Variants in NEDD4L observed in about 807,000 individuals in gnomAD.
The protein encoded by NEDD4L is NEDD4 like E3 ubiquitin protein ligase.
Under a neutral mutation model 148.9 loss-of-function variants are expected in NEDD4L, and 54 were observed. That is an observed-to-expected ratio of 0.36 (90% CI 0.29 to 0.45). The LOEUF (loss-of-function observed/expected upper bound fraction) is 0.45, where lower values mean the gene tolerates loss of function less well. NEDD4L is among the 20% of genes least tolerant of loss of function. The probability of loss-of-function intolerance (pLI) is 1.00; values close to 1 mark genes in which losing one functional copy is unlikely to be tolerated. For missense variants in NEDD4L, 856 were observed against 1,233.8 expected, an observed-to-expected ratio of 0.69 and a Z score of 4.59; for synonymous variants, 433 against 440.7, an observed-to-expected ratio of 0.98 and a Z score of 0.22.
chr18:58,075,116 T>A (rs1599088197), intron 1 of NEDD4L, among the ~76,000 whole-genome samples: 1 of 152,210 alleles, frequency 6.6e-6, no homozygotes, highest in East Asian at 1.9e-4. Flanking sequence ...CAATTTATGA[T>A]GGAGTTTTAG....
intron 18 of NEDD4L, among the ~76,000 whole-genome samples, chr18:58,352,924 G>A (rs186166515): frequency 6.6e-6 from 1 of 152,296 alleles, no homozygotes; most frequent in Non-Finnish European, 1.5e-5. Context: ...ATTACAAAGG[G>A]CTGTCGTAGC....
rs140229684 is a variant in NEDD4L, at chr18:58,232,976, G to A, written c.123-12451G>A. Among the ~76,000 whole-genome samples the A allele has an allele frequency of 5.9e-5, 9 of 152,234 alleles. No individual in the cohort carries two copies. The East Asian group carries it at 1.5e-3, about 26-fold the overall frequency. On this transcript the variant is annotated intron_variant, in intron 2 of 30. Coordinates refer to ENST00000400345, the MANE Select transcript of NEDD4L (RefSeq NM_001144967.3). ...TTAAGCGTTCTTAGGGCAGATCCACGATCCTTTACCTGCCATTTCTAAGTC... is the reference window on the plus strand; with the variant it reads ...TTAAGCGTTCTTAGGGCAGATCCACAATCCTTTACCTGCCATTTCTAAGTC...
At chr18:58,391,829 T>C (rs576117352) in intron 30 of NEDD4L, among the ~76,000 whole-genome samples, 50 of 152,368 alleles carry the variant, frequency 3.3e-4, no homozygotes, top group African/African-American at 1.2e-3. Context: ...TTCTAGGTAG[T>C]GGAGCTTTCA....
intron 5 of NEDD4L, among the ~76,000 whole-genome samples, chr18:58,280,754 A>G (rs979451732): frequency 1.3e-5 from 2 of 152,180 alleles, no homozygotes; most frequent in African/African-American, 4.8e-5. Context: ...GCTGTCTCCA[A>G]CCATCATTAC....
chr18:58,044,588 G>A lies in NEDD4L; in HGVS notation c.-73G>A. On this transcript the variant is annotated 5_prime_UTR_variant, in exon 1 of 31. Coordinates refer to ENST00000400345, the MANE Select transcript of NEDD4L (RefSeq NM_001144967.3). ...GGGACCGGGGGGACCTGGAGGCAGAGGGGAGAACCGGCCGTCCGCGCCGCA... is the reference window on the plus strand; with the variant it reads ...GGGACCGGGGGGACCTGGAGGCAGAAGGGAGAACCGGCCGTCCGCGCCGCA... 2 of 1,502,098 alleles carry A rather than the reference G, an allele frequency of 1.3e-6. No homozygotes were observed. The highest frequency in any genetic ancestry group is 1.8e-6 in the Non-Finnish European group (2 of 1,124,858). 93.0% of individuals were successfully genotyped at this position (1,502,098 alleles called of 1,614,324 possible).
intron 3 of NEDD4L, among the ~76,000 whole-genome samples, chr18:58,246,841 C>G (rs2047321327): frequency 6.6e-6 from 1 of 152,036 alleles, no homozygotes; most frequent in East Asian, 1.9e-4. Context: ...ATATTTTTTA[C>G]CCTATGTTTG....
rs145258954 is a variant in NEDD4L at position 58,301,268 on chromosome 18, C to T, written c.298-14714C>T. ...CCATTGCTATTCACTGACCCCTTCTCCTCCTCGTGTTCTAGTAAAATTCAG... is the reference window on the plus strand; with the variant it reads ...CCATTGCTATTCACTGACCCCTTCTTCTCCTCGTGTTCTAGTAAAATTCAG... On this transcript the variant is annotated intron_variant, in intron 5 of 30. Coordinates refer to ENST00000400345, the MANE Select transcript of NEDD4L (RefSeq NM_001144967.3). Among the ~76,000 whole-genome samples the T allele has an allele frequency of 2.2e-4, 33 of 152,290 alleles. No individual in the cohort carries two copies. In the East Asian group the frequency reaches 6.2e-3, roughly 28 times the overall value.
intron 1 of NEDD4L, among the ~76,000 whole-genome samples, chr18:58,127,897 G>A (rs1267607671): frequency 6.6e-6 from 1 of 150,550 alleles, no homozygotes; most frequent in Non-Finnish European, 1.5e-5. Flanking sequence ...ATTTTTTTGA[G>A]ACAGAGTCCT....
At chr18:58,257,374 GAGTAGTGTCGCTTGTGGGAT>G (rs2048735946) in intron 5 of NEDD4L, among the ~76,000 whole-genome samples, 2 of 152,072 alleles carry the variant, frequency 1.3e-5, no homozygotes, top group South Asian at 4.2e-4. Flanking sequence ...TACTGAACGA[GAGTAGTGTCGCTTGTGGGAT>G]AGTGACATTA....
intron 1 of NEDD4L, among the ~76,000 whole-genome samples, chr18:58,093,258 A>G (rs905339470): frequency 1.3e-5 from 2 of 152,218 alleles, no homozygotes; most frequent in African/African-American, 4.8e-5. Context: ...AATTTTTTTG[A>G]CATCTAGCAT....
chr18:58,127,886 TA>T (rs2031421675), intron 1 of NEDD4L, among the ~76,000 whole-genome samples: 1 of 151,994 alleles, frequency 6.6e-6, no homozygotes, highest in South Asian at 2.1e-4. Flanking sequence ...ATTTATTATT[TA>T]TTTTTTTGAG....
intron 5 of NEDD4L, among the ~76,000 whole-genome samples, chr18:58,275,363 A>G (rs1404816835): frequency 1.3e-5 from 2 of 152,176 alleles, no homozygotes; most frequent in Non-Finnish European, 2.9e-5. Flanking sequence ...AAATCCTTGT[A>G]TAATAAGTGA....
At chr18:58,225,140 G>C (rs564304173) in intron 2 of NEDD4L, among the ~76,000 whole-genome samples, 162 of 152,260 alleles carry the variant, frequency 1.1e-3, no homozygotes, top group Non-Finnish European at 1.8e-3. Context: ...AGGGGTATTG[G>C]GGGGGAAGAG....
chr18:58,189,710 A>G (rs2039891493), intron 2 of NEDD4L: 1 of 152,198 alleles, frequency 6.6e-6, no homozygotes, highest in South Asian at 2.1e-4. Flanking sequence ...GTTGTAACTA[A>G]TGGTCACTGA....
At chr18:58,217,738 A>G (rs1008740653) in intron 2 of NEDD4L, among the ~76,000 whole-genome samples, 4 of 152,216 alleles carry the variant, frequency 2.6e-5, no homozygotes, top group Non-Finnish European at 5.9e-5. Context: ...TGTAGAGCCA[A>G]ATAGCCACAG....
At chr18:58,168,734 G>C (rs567452194) in intron 2 of NEDD4L, among the ~76,000 whole-genome samples, 30 of 152,328 alleles carry the variant, frequency 2.0e-4, no homozygotes, top group African/African-American at 7.0e-4. Flanking sequence ...GCTGTAGACA[G>C]GATAATGGGT....
chr18:58,345,586 C>T (rs1020300678), intron 16 of NEDD4L, among the ~76,000 whole-genome samples: 2 of 152,068 alleles, frequency 1.3e-5, no homozygotes, highest in Non-Finnish European at 2.9e-5. Flanking sequence ...AACCAGAAGC[C>T]TGAAAAGTAT....
At chr18:58,344,427 A>G (rs976655141) in intron 16 of NEDD4L, among the ~76,000 whole-genome samples, 1 of 152,192 alleles carries the variant, frequency 6.6e-6, no homozygotes, top group Admixed American at 6.5e-5. Context: ...AATGGTCACC[A>G]TTACCCCCAC....
intron 1 of NEDD4L, among the ~76,000 whole-genome samples, chr18:58,123,691 C>T (rs185661417): frequency 6.6e-6 from 1 of 152,242 alleles, no homozygotes; most frequent in East Asian, 1.9e-4. Flanking sequence ...TCTTTCATAC[C>T]TTCTGCTCAT....
Sources: gnomAD v4.1 joint callset for allele counts (sites outside exome capture counted in the v4.1 genomes callset) on GRCh38, gnomAD v4.1.1 for gene constraint, MANE v1.5 for transcripts, NCBI Gene and HGNC (gene_info 2026-07-23, HGNC 2026-07-21) for gene names.